The following ANO4 variants were observed in gnomAD, a reference collection of about 807,000 sequenced individuals.
The protein encoded by ANO4 is anoctamin-4.
ANO4 carries 69 observed loss-of-function variants against 141.9 expected under a neutral mutation model. That is an observed-to-expected ratio of 0.49 (90% CI 0.40 to 0.59). The LOEUF is 0.59. Among genes scored for constraint, ANO4 ranks in the 20% least tolerant of loss-of-function variants. The pLI, the probability that ANO4 is intolerant of heterozygous loss-of-function variation, is 0.00. For missense variants in ANO4, 894 were observed against 1,162.2 expected, an observed-to-expected ratio of 0.77 and a Z score of 3.36; for synonymous variants, 350 against 394.3, an observed-to-expected ratio of 0.89 and a Z score of 1.33.
intron 2 of ANO4, among the ~76,000 whole-genome samples, chr12:100,912,208 C>T (rs2041130889): frequency 6.6e-6 from 1 of 151,764 alleles, no homozygotes; most frequent in African/African-American, 2.4e-5. Context: ...CCAGCCTGGC[C>T]AACATGGGGA....
chr12:101,026,394 G>T (rs2046737259), intron 9 of ANO4, among the ~76,000 whole-genome samples: 1 of 152,116 alleles, frequency 6.6e-6, no homozygotes, highest in African/African-American at 2.4e-5. Flanking sequence ...CCCAATAAAT[G>T]GAGACATATA....
intron 8 of ANO4, among the ~76,000 whole-genome samples, chr12:101,007,928 A>T (rs1163610598): frequency 1.3e-5 from 2 of 152,130 alleles, no homozygotes; most frequent in Non-Finnish European, 2.9e-5. Flanking sequence ...ACATGTTTAC[A>T]ATATCTTGGG....
At chr12:100,798,890 T>C (rs139034017) in intron 1 of ANO4, among the ~76,000 whole-genome samples, 2 of 152,308 alleles carry the variant, frequency 1.3e-5, no homozygotes, top group East Asian at 3.9e-4. Flanking sequence ...GACTGACCTT[T>C]TGGTGTGTGT....
chr12:100,743,210 G>A (rs114751205), intron 3 of ANO4, among the ~76,000 whole-genome samples: 5,365 of 151,484 alleles, frequency 0.035, 210 homozygotes, highest in Admixed American at 0.12. Context: ...GATCACATAT[G>A]TTTTTGTTTT....
intron 7 of ANO4, among the ~76,000 whole-genome samples, chr12:100,984,400 T>C (rs1417585188): frequency 2.0e-5 from 3 of 152,220 alleles, no homozygotes; most frequent in Non-Finnish European, 4.4e-5. Context: ...TGAATGTGTT[T>C]CTTCCACCAC....
chr12:101,046,951 G>A (rs2047656230), intron 13 of ANO4, among the ~76,000 whole-genome samples: 1 of 152,156 alleles, frequency 6.6e-6, no homozygotes, highest in African/African-American at 2.4e-5. Context: ...GCAACTCTCA[G>A]TAAATACTCT....
At chr12:101,068,919 C>T (rs1566202615) in intron 14 of ANO4, 6 of 815,924 alleles carry the variant, frequency 7.4e-6, no homozygotes, top group Non-Finnish European at 1.3e-5. Context: ...ACTACATGCT[C>T]AACATCGAAG....
chr12:101,118,204 A>G (rs1185875488), intron 25 of ANO4, among the ~76,000 whole-genome samples: 2 of 152,176 alleles, frequency 1.3e-5, no homozygotes, highest in Non-Finnish European at 2.9e-5. Context: ...AAATGCTTCA[A>G]AATAAAATGC....
At chr12:100,822,819 G>A (rs899099400) in intron 1 of ANO4, among the ~76,000 whole-genome samples, 2 of 151,840 alleles carry the variant, frequency 1.3e-5, no homozygotes, top group South Asian at 2.1e-4. Flanking sequence ...TGTCTTACTC[G>A]TACTTCCTTT....
chr12:101,027,345 T>A (rs992714713), intron 9 of ANO4, among the ~76,000 whole-genome samples: 5 of 152,168 alleles, frequency 3.3e-5, no homozygotes, highest in African/African-American at 4.8e-5. Flanking sequence ...GCAGAGCTCC[T>A]GCGGGGAGGG....
intron 8 of ANO4, among the ~76,000 whole-genome samples, chr12:101,009,960 C>T (rs1158560233): frequency 1.3e-5 from 2 of 152,092 alleles, no homozygotes; most frequent in Non-Finnish European, 1.5e-5. Context: ...ACCTTCACCC[C>T]ACTTCTTTAG....
chr12:100,823,433 A>C (rs2036162381), intron 1 of ANO4, among the ~76,000 whole-genome samples: 1 of 151,878 alleles, frequency 6.6e-6, no homozygotes, highest in African/African-American at 2.4e-5. Flanking sequence ...TTAAATGCTA[A>C]ATTTTCTTCT....
chr12:100,837,342 T>G (rs1276653350), intron 1 of ANO4, among the ~76,000 whole-genome samples: 1 of 152,102 alleles, frequency 6.6e-6, no homozygotes, highest in East Asian at 1.9e-4. Context: ...TGCAGAGGCT[T>G]TAAAGTCAGT....
chr12:100,842,775 C>G (rs2037346078), intron 1 of ANO4, among the ~76,000 whole-genome samples: 1 of 152,020 alleles, frequency 6.6e-6, no homozygotes, highest in Non-Finnish European at 1.5e-5. Flanking sequence ...CTACCTCGAT[C>G]CCTTTAGCCC....
At chr12:100,971,431 ACTCT>A (rs982878859) in intron 6 of ANO4, 25 bp downstream of exon 6, 1 of 1,466,638 alleles carries the variant, frequency 6.8e-7, no homozygotes, top group Non-Finnish European at 9.5e-7. Flanking sequence ...ATTTTATTCC[ACTCT>A]CTCTGCTGCT....
intron 14 of ANO4, among the ~76,000 whole-genome samples, chr12:101,052,742 A>C (rs1371780747): frequency 6.6e-6 from 1 of 152,204 alleles, no homozygotes; most frequent in African/African-American, 2.4e-5. Context: ...TGTTCCACAA[A>C]AAAATGGTAA....
At chr12:100,972,590 A>G (rs531524528) in intron 6 of ANO4, among the ~76,000 whole-genome samples, 9 of 152,344 alleles carry the variant, frequency 5.9e-5, no homozygotes, top group Admixed American at 5.9e-4. Context: ...ATACATATAT[A>G]TATCCACTAG....
intron 22 of ANO4, among the ~76,000 whole-genome samples, chr12:101,103,271 A>G (rs954076540): frequency 2.9e-5 from 4 of 137,286 alleles, no homozygotes; most frequent in African/African-American, 1.1e-4. Context: ...CTTTTATATA[A>G]TGCTGGATAA....
chr12:100,965,366 C>A (rs1412846934), intron 5 of ANO4, among the ~76,000 whole-genome samples: 1 of 152,126 alleles, frequency 6.6e-6, no homozygotes, highest in Non-Finnish European at 1.5e-5. Context: ...TAACCACCAT[C>A]TTGTCTCACC....
Sources: gnomAD v4.1 joint callset for allele counts (sites outside exome capture counted in the v4.1 genomes callset) on GRCh38, gnomAD v4.1.1 for gene constraint, MANE v1.5 for transcripts, NCBI Gene and HGNC (gene_info 2026-07-23, HGNC 2026-07-21) for gene names.